PRKCE: variants seen among roughly 807,000 people sequenced by gnomAD.
The protein encoded by PRKCE is protein kinase C epsilon, also known as protein kinase C epsilon type.
A neutral mutation model predicts 85.4 loss-of-function variants in PRKCE; 16 were observed. The ratio of observed to expected loss-of-function variants is 0.19; its 90% CI spans 0.13 to 0.28. The LOEUF is 0.28. Among genes scored for constraint, PRKCE ranks in the 10% least tolerant of loss-of-function variants. The pLI is 1.00. For missense variants in PRKCE, 573 were observed against 975.2 expected, an observed-to-expected ratio of 0.59 and a Z score of 5.49; for synonymous variants, 388 against 371.5, an observed-to-expected ratio of 1.04 and a Z score of -0.51.
At chr2:45,916,227 T>C (rs1468395455) in intron 2 of PRKCE, among the ~76,000 whole-genome samples, 1 of 151,962 alleles carries the variant, frequency 6.6e-6, no homozygotes, top group Non-Finnish European at 1.5e-5. Context: ...TATTCTTCTA[T>C]ATGCACTGAG....
At chr2:45,940,919 A>T (rs563626320) in intron 2 of PRKCE, among the ~76,000 whole-genome samples, 1 of 150,358 alleles carries the variant, frequency 6.7e-6, no homozygotes, top group Non-Finnish European at 1.5e-5. Flanking sequence ...AAAAAAAATT[A>T]GCCAGGCATG....
At chr2:45,736,232 A>AT (rs1443974381) in intron 1 of PRKCE, among the ~76,000 whole-genome samples, 1 of 152,128 alleles carries the variant, frequency 6.6e-6, no homozygotes, top group Middle Eastern at 3.2e-3. Context: ...AAGTTTTGGG[A>AT]TTACAGGTGT....
At chr2:45,942,546 A>G (rs998087903) in intron 2 of PRKCE, among the ~76,000 whole-genome samples, 1 of 152,216 alleles carries the variant, frequency 6.6e-6, no homozygotes, top group African/African-American at 2.4e-5. Flanking sequence ...TGTGGCTCTC[A>G]TGAGGGGAAC....
At chr2:46,023,239 C>T (rs1039333854) in intron 10 of PRKCE, among the ~76,000 whole-genome samples, 15 of 152,168 alleles carry the variant, frequency 9.9e-5, no homozygotes, top group Non-Finnish European at 1.6e-4. Context: ...CTGAGTCTAC[C>T]ATTGTTGGTA....
At chr2:46,019,991 A>G (rs933321157) in intron 10 of PRKCE, among the ~76,000 whole-genome samples, 1 of 151,746 alleles carries the variant, frequency 6.6e-6, no homozygotes, top group Non-Finnish European at 1.5e-5. Flanking sequence ...CTGGGATTAC[A>G]GGCACGCACC....
chr2:45,685,175 G>A (rs1197043813), intron 1 of PRKCE, among the ~76,000 whole-genome samples: 1 of 152,086 alleles, frequency 6.6e-6, no homozygotes. Context: ...CTATCTGCAT[G>A]GAAAAGTAAA....
At chr2:45,862,033 AG>A (rs1193274947) in intron 2 of PRKCE, among the ~76,000 whole-genome samples, 6 of 152,182 alleles carry the variant, frequency 3.9e-5, no homozygotes, top group African/African-American at 1.2e-4. Flanking sequence ...TGAAAAGTGG[AG>A]ATGGGGACCA....
At chr2:46,002,736 C>A (rs975915368) in intron 7 of PRKCE, among the ~76,000 whole-genome samples, 3 of 152,162 alleles carry the variant, frequency 2.0e-5, no homozygotes, top group Admixed American at 1.3e-4. Context: ...CCTGGAATTG[C>A]AAGCAGAGTA....
At chr2:46,148,136 C>T (rs577790577) in intron 12 of PRKCE, among the ~76,000 whole-genome samples, 1 of 152,372 alleles carries the variant, frequency 6.6e-6, no homozygotes, top group African/African-American at 2.4e-5. Context: ...GGCACCCCCT[C>T]TGCTTTCCCA....
At position 46,184,878 on chromosome 2, in the gene PRKCE, C is replaced by T. The variant is rs372801095; in HGVS notation, c.2211C>T (p.Pro737=). ...GFSYFGEDLM[P] ...CCTACTTTGGTGAAGACCTGATGCC[C>T]TGAGAGCCCACTGCAGTTGGACTTT... is the stretch of plus-strand genomic sequence containing the variant. The change falls in exon 15 of 15, where the codon CCC becomes CCT. Residue 737 remains proline (P), a synonymous_variant. Coordinates refer to ENST00000306156, the MANE Select transcript of PRKCE (RefSeq NM_005400.3). The surrounding 1 kb of genome is among the most constrained non-coding windows in gnomAD (Gnocchi z 5.0). The T allele has an allele frequency of 6.9e-6, 11 of 1,599,656 alleles. No homozygotes were observed. Among genetic ancestry groups the T allele is most frequent in the Non-Finnish European group, 9.3e-6 (11 of 1,179,954 alleles).
intron 2 of PRKCE, among the ~76,000 whole-genome samples, chr2:45,971,546 A>G (rs1390186715): frequency 2.0e-5 from 3 of 152,234 alleles, no homozygotes; most frequent in African/African-American, 7.2e-5. Flanking sequence ...TTACTTAGTC[A>G]TCTGTGTAAC....
intron 1 of PRKCE, among the ~76,000 whole-genome samples, chr2:45,783,377 C>A (rs1308467674): frequency 6.6e-6 from 1 of 152,132 alleles, no homozygotes; most frequent in African/African-American, 2.4e-5. Flanking sequence ...CACACATAGA[C>A]CCCCACCCAC....
intron 6 of PRKCE, among the ~76,000 whole-genome samples, chr2:45,988,721 CT>C (rs1318569435): frequency 1.3e-5 from 2 of 152,190 alleles, no homozygotes; most frequent in African/African-American, 2.4e-5. Flanking sequence ...ATTCGTGGGT[CT>C]GTCCGAGCCC....
intron 1 of PRKCE, among the ~76,000 whole-genome samples, chr2:45,727,962 AT>A (rs1681228011): frequency 6.6e-6 from 1 of 152,256 alleles, no homozygotes. Context: ...CAGGGCATGT[AT>A]TTTTACAGTA....
At chr2:46,104,296 C>T (rs1422062502) in intron 11 of PRKCE, among the ~76,000 whole-genome samples, 8 of 118,502 alleles carry the variant, frequency 6.8e-5, no homozygotes, top group African/African-American at 9.7e-5. Context: ...TCACCTTGTA[C>T]TTTTTTTTTT....
At chr2:45,876,331 C>A (rs1193937818) in intron 2 of PRKCE, among the ~76,000 whole-genome samples, 1 of 152,210 alleles carries the variant, frequency 6.6e-6, no homozygotes, top group Non-Finnish European at 1.5e-5. Context: ...CTGGTTCTTT[C>A]CAAGTCAACT....
chr2:45,992,286 C>A (rs546416936), intron 6 of PRKCE, among the ~76,000 whole-genome samples: 1 of 152,252 alleles, frequency 6.6e-6, no homozygotes, highest in South Asian at 2.1e-4. Context: ...AAAATTCAGT[C>A]TGAGCTTTGA....
At position 45,905,353 on chromosome 2, in the gene PRKCE, C is replaced by G. The variant is rs1266507468; in HGVS notation, c.412+62290C>G. Among the ~76,000 whole-genome samples, 1 of 152,222 alleles carries G rather than the reference C, an allele frequency of 6.6e-6. No homozygotes were observed. Among genetic ancestry groups the G allele is most frequent in the East Asian group, 1.9e-4 (1 of 5,196 alleles). On this transcript the variant is annotated intron_variant, in intron 2 of 14. Transcript: ENST00000306156. This position sits in a 1 kb window ranked among gnomAD's most constrained non-coding sequence, Gnocchi z 4.4. ...GAACCCTGAATGAGTCCATTAGATTCCACAATCAATATCCAGCTTCTAAAC... is the reference window on the plus strand; with the variant it reads ...GAACCCTGAATGAGTCCATTAGATTGCACAATCAATATCCAGCTTCTAAAC...
At chr2:45,982,427 G>A (rs758993214) in intron 5 of PRKCE, among the ~76,000 whole-genome samples, 6 of 152,160 alleles carry the variant, frequency 3.9e-5, no homozygotes, top group Non-Finnish European at 5.9e-5. Flanking sequence ...GTCCTGCACC[G>A]TGAACACTCG....
Sources: gnomAD v4.1 joint callset for allele counts (sites outside exome capture counted in the v4.1 genomes callset) on GRCh38, gnomAD v4.1.1 for gene constraint, Gnocchi (gnomAD v3.1) non-coding constraint, MANE v1.5 for transcripts, NCBI Gene and HGNC (gene_info 2026-07-23, HGNC 2026-07-21) for gene names.